NFX1: variants seen among roughly 807,000 people sequenced by gnomAD.
The protein encoded by NFX1 is nuclear transcription factor, X-box binding 1.
A neutral mutation model predicts 137.2 loss-of-function variants in NFX1; 69 were observed. The observed-to-expected ratio is 0.50, with a 90% CI of 0.41 to 0.61. The LOEUF is 0.61. NFX1 is among the 20% of genes least tolerant of loss of function. NFX1 has a pLI of 0.00. For synonymous variants in NFX1, 495 were observed against 474.1 expected, an observed-to-expected ratio of 1.04 and a Z score of -0.57; for missense variants, 1,167 against 1,391.0, an observed-to-expected ratio of 0.84 and a Z score of 2.56.
chr9:33,352,488 C>A lies in NFX1; in HGVS notation c.2656-158C>A, dbSNP rs942472651. The A allele has an allele frequency of 5.6e-6, 4 of 709,654 alleles. No individual in the cohort carries two copies. The African/African-American group carries it at 7.0e-5, about 12-fold the overall frequency. The allele number at this position is 709,654 out of a possible 1,614,324, so 44.0% of individuals were successfully genotyped here. A position where few individuals can be genotyped will look rare whatever the true frequency, so the allele number is the denominator to read the frequency against. On this transcript the variant is annotated intron_variant, in intron 16 of 23. Transcript: ENST00000379540. ...TTTCCTAGCATGTCAACAACTGTGT[C>A]AGTTTGCATGTGTGGTTAGCTTCTT...
At chr9:33,352,348 G>C in intron 16 of NFX1, 1 of 515,416 alleles carries the variant, frequency 1.9e-6, no homozygotes, top group East Asian at 4.9e-5. Flanking sequence ...CCACAGTTGG[G>C]CCTAGGGCAA....
intron 2 of NFX1, among the ~76,000 whole-genome samples, chr9:33,295,654 C>A (rs10971464): frequency 6.6e-5 from 10 of 152,116 alleles, no homozygotes; most frequent in Non-Finnish European, 1.3e-4. Context: ...AATAAGAATT[C>A]TTTTTCTTTT....
chr9:33,342,050 A>G (rs1417664463), intron 12 of NFX1, among the ~76,000 whole-genome samples: 1 of 151,868 alleles, frequency 6.6e-6, no homozygotes, highest in African/African-American at 2.4e-5. Flanking sequence ...CAGGAGGTGG[A>G]GGTTGCAGTG....
chr9:33,305,459 G>T lies in NFX1; in HGVS notation c.1271-1735G>T, dbSNP rs138964680. 3.3e-3 allele frequency among the ~76,000 whole-genome samples: 505 copies of T among 152,318 alleles called. 12 individuals are homozygous for T. Among genetic ancestry groups the T allele is most frequent in the Admixed American group, 0.028 (434 of 15,302 alleles). ...ATGGTAGGGGAGTGGGAGATGACTGGAAAGGAAGGGCTGACCCTTTGATAC... is the reference window on the plus strand; with the variant it reads ...ATGGTAGGGGAGTGGGAGATGACTGTAAAGGAAGGGCTGACCCTTTGATAC... On this transcript the variant is annotated intron_variant, in intron 4 of 23. Coordinates refer to ENST00000379540, the MANE Select transcript of NFX1 (RefSeq NM_002504.6).
chr9:33,331,792 G>T (rs574243535), intron 10 of NFX1, among the ~76,000 whole-genome samples: 1 of 150,072 alleles, frequency 6.7e-6, no homozygotes, highest in Non-Finnish European at 1.5e-5. Context: ...TGACATCAAA[G>T]CCAAAATCAG....
chr9:33,297,448 C>T (rs751991037), intron 2 of NFX1, among the ~76,000 whole-genome samples: 14 of 152,198 alleles, frequency 9.2e-5, no homozygotes, highest in Non-Finnish European at 1.5e-4. Flanking sequence ...TTACCTCTTG[C>T]TTTATAGTGA....
chr9:33,297,119 C>G (rs187741977), intron 2 of NFX1, among the ~76,000 whole-genome samples: 1 of 152,178 alleles, frequency 6.6e-6, no homozygotes, highest in African/African-American at 2.4e-5. Flanking sequence ...TCACAGCTCC[C>G]CCTCTCCTTA....
chr9:33,324,521 A>T (rs536769820), intron 9 of NFX1, among the ~76,000 whole-genome samples: 1 of 152,330 alleles, frequency 6.6e-6, no homozygotes, highest in East Asian at 1.9e-4. Flanking sequence ...ACTGCGCTTC[A>T]GGTGGGCAAG....
intron 10 of NFX1, among the ~76,000 whole-genome samples, chr9:33,330,579 T>C (rs1822769267): frequency 6.6e-6 from 1 of 152,202 alleles, no homozygotes; most frequent in Non-Finnish European, 1.5e-5. Flanking sequence ...TGCCCAGAGA[T>C]GCTCTTTGTG....
chr9:33,335,769 G>A (rs981250996), intron 11 of NFX1, among the ~76,000 whole-genome samples: 5 of 152,050 alleles, frequency 3.3e-5, no homozygotes, highest in African/African-American at 7.2e-5. Context: ...TACTATTTTC[G>A]AATACTTCAT....
intron 12 of NFX1, 38 bp from the exon 13 acceptor site, chr9:33,342,708 A>G (rs1164286416): frequency 1.5e-6 from 2 of 1,355,798 alleles, no homozygotes; most frequent in Admixed American, 2.3e-5. Context: ...TATAAAATGA[A>G]GACCATTTTA....
At chr9:33,310,476 G>C (rs1258271988) in intron 5 of NFX1, among the ~76,000 whole-genome samples, 1 of 152,074 alleles carries the variant, frequency 6.6e-6, no homozygotes, top group African/African-American at 2.4e-5. Context: ...CTATAATATA[G>C]CTCCTAAAAT....
At chr9:33,340,631 T>G (rs1197286337) in intron 12 of NFX1, among the ~76,000 whole-genome samples, 1 of 152,226 alleles carries the variant, frequency 6.6e-6, no homozygotes, top group African/African-American at 2.4e-5. Context: ...TCTCACATTG[T>G]CAGGCTGCAA....
intron 17 of NFX1, among the ~76,000 whole-genome samples, chr9:33,353,879 G>C (rs1373757569): frequency 6.6e-6 from 1 of 151,736 alleles, no homozygotes; most frequent in South Asian, 2.1e-4. Context: ...TAGTAGAGAC[G>C]GGGTTTCACC....
chr9:33,336,091 A>G (rs960788735), intron 11 of NFX1, among the ~76,000 whole-genome samples: 1 of 152,084 alleles, frequency 6.6e-6, no homozygotes, highest in Non-Finnish European at 1.5e-5. Context: ...TCTTGTGTTT[A>G]ATTTTTTTGA....
chr9:33,309,416 C>T (rs1367623122), intron 5 of NFX1, among the ~76,000 whole-genome samples: 1 of 151,916 alleles, frequency 6.6e-6, no homozygotes, highest in Non-Finnish European at 1.5e-5. Flanking sequence ...CCCTTCATGA[C>T]TACCAGAGAT....
chr9:33,345,402 G>A (rs907147987), intron 14 of NFX1, among the ~76,000 whole-genome samples: 5 of 151,876 alleles, frequency 3.3e-5, no homozygotes, highest in Admixed American at 6.6e-5. Context: ...ACTTGAACCC[G>A]GGAGGCAGAG....
chr9:33,326,580 C>CT (rs980985952), intron 9 of NFX1, among the ~76,000 whole-genome samples: 1 of 151,948 alleles, frequency 6.6e-6, no homozygotes, highest in African/African-American at 2.4e-5. Flanking sequence ...ATTACCCAGA[C>CT]ATGGTGGTAT....
intron 7 of NFX1, 69 bp downstream of exon 7, chr9:33,313,862 A>C: frequency 1.3e-6 from 2 of 1,503,320 alleles, no homozygotes; most frequent in South Asian, 2.3e-5. Flanking sequence ...GATTGTCTTG[A>C]TAAACTTTGA....
Sources: gnomAD v4.1 joint callset for allele counts (sites outside exome capture counted in the v4.1 genomes callset) on GRCh38, gnomAD v4.1.1 for gene constraint, MANE v1.5 for transcripts, NCBI Gene and HGNC (gene_info 2026-07-23, HGNC 2026-07-21) for gene names.